Variants in MED13L observed in about 807,000 individuals in gnomAD.
The protein encoded by MED13L is mediator complex subunit 13L, also known as mediator of RNA polymerase II transcription subunit 13-like.
In MED13L, 7 loss-of-function variants were observed where a neutral mutation model predicts 220.9. The ratio of observed to expected loss-of-function variants is 0.03; its 90% CI spans 0.02 to 0.06. MED13L has a LOEUF of 0.06. Among genes scored for constraint, MED13L ranks in the 10% least tolerant of loss-of-function variants. The pLI, the probability that MED13L is intolerant of heterozygous loss-of-function variation, is 1.00. For synonymous variants in MED13L, 1,011 were observed against 1,015.2 expected (o/e 1.00, Z 0.08); for missense variants, 1,965 against 2,760.5 (o/e 0.71, Z 6.46).
chr12:115,999,772 T>A (rs1878630197), intron 14 of MED13L, among the ~76,000 whole-genome samples: 1 of 152,208 alleles, frequency 6.6e-6, no homozygotes, highest in African/African-American at 2.4e-5. Context: ...GTTAGCTGAC[T>A]TCTTTGATCT....
chr12:116,185,652 G>GCTTTGCTTTT (rs1880834540), intron 2 of MED13L, among the ~76,000 whole-genome samples: 1 of 139,916 alleles, frequency 7.1e-6, no homozygotes, highest in African/African-American at 2.7e-5. Context: ...TTCATCACAT[G>GCTTTGCTTTT]CTTTTCTTTT....
intron 2 of MED13L, among the ~76,000 whole-genome samples, chr12:116,178,711 C>A (rs1880264383): frequency 6.6e-6 from 1 of 152,152 alleles, no homozygotes; most frequent in Non-Finnish European, 1.5e-5. Context: ...AGCCTCTTGA[C>A]AAAGGACAGT....
chr12:116,210,364 C>A (rs1304651012), intron 2 of MED13L, among the ~76,000 whole-genome samples: 1 of 151,858 alleles, frequency 6.6e-6, no homozygotes, highest in East Asian at 1.9e-4. Flanking sequence ...ATCAGAAAAA[C>A]CACTAAGCAA....
intron 4 of MED13L, among the ~76,000 whole-genome samples, chr12:116,034,867 G>A (rs142786185): frequency 8.6e-4 from 131 of 152,164 alleles, no homozygotes; most frequent in African/African-American, 3.0e-3. Context: ...TTAGCCAGGC[G>A]TGGTGGCACA....
chr12:116,225,322 A>G (rs1363347313), intron 2 of MED13L, among the ~76,000 whole-genome samples: 1 of 152,174 alleles, frequency 6.6e-6, no homozygotes, highest in Non-Finnish European at 1.5e-5. Flanking sequence ...CAGGGCTCCA[A>G]CTGAGTTCTA....
intron 2 of MED13L, among the ~76,000 whole-genome samples, chr12:116,145,849 T>G (rs1877459379): frequency 6.6e-6 from 1 of 151,980 alleles, no homozygotes; most frequent in Admixed American, 6.6e-5. Context: ...ATTTTTAGTC[T>G]AAGCCTCATG....
chr12:116,218,046 C>T (rs1883105095), intron 2 of MED13L, among the ~76,000 whole-genome samples: 1 of 152,092 alleles, frequency 6.6e-6, no homozygotes, highest in African/African-American at 2.4e-5. Flanking sequence ...ATACACTTCC[C>T]CTCCTCCTCC....
At chr12:115,968,395 C>T (rs1876348232) in intron 28 of MED13L, among the ~76,000 whole-genome samples, 1 of 152,152 alleles carries the variant, frequency 6.6e-6, no homozygotes, top group African/African-American at 2.4e-5. Flanking sequence ...TTAACCTGGA[C>T]ACATCTGTAA....
At chr12:116,069,155 A>G (rs1484025603) in intron 4 of MED13L, among the ~76,000 whole-genome samples, 1 of 152,214 alleles carries the variant, frequency 6.6e-6, no homozygotes, top group African/African-American at 2.4e-5. Context: ...GATAATGCCA[A>G]AAGAATCCTG....
intron 2 of MED13L, among the ~76,000 whole-genome samples, chr12:116,210,112 G>A (rs907547484): frequency 3.9e-5 from 6 of 152,120 alleles, no homozygotes; most frequent in African/African-American, 1.4e-4. Flanking sequence ...ATAAAACATT[G>A]TGGGAAAGGG....
chr12:116,267,448 T>C (rs1164012361), intron 1 of MED13L, among the ~76,000 whole-genome samples: 1 of 152,214 alleles, frequency 6.6e-6, no homozygotes, highest in Non-Finnish European at 1.5e-5. Context: ...CGGGCTACTC[T>C]ATAACTTTAG....
chr12:116,009,947 A>T (rs2137391456), intron 9 of MED13L, among the ~76,000 whole-genome samples: 1 of 152,280 alleles, frequency 6.6e-6, no homozygotes, highest in Admixed American at 6.5e-5. Context: ...CCAATATATA[A>T]ATCATTCCCG....
chr12:116,122,590 A>AG (rs1875196228), intron 2 of MED13L, among the ~76,000 whole-genome samples: 1 of 152,216 alleles, frequency 6.6e-6, no homozygotes, highest in South Asian at 2.1e-4. Context: ...AATCATGGAT[A>AG]GAAGATACAT....
chr12:116,194,235 G>A (rs758917566), intron 2 of MED13L, among the ~76,000 whole-genome samples: 9 of 151,686 alleles, frequency 5.9e-5, no homozygotes, highest in African/African-American at 1.2e-4. Flanking sequence ...GTGCAACCTC[G>A]GCTCGTCGCA....
intron 2 of MED13L, among the ~76,000 whole-genome samples, chr12:116,149,684 C>T (rs1433058776): frequency 6.6e-6 from 1 of 152,054 alleles, no homozygotes; most frequent in Admixed American, 6.6e-5. Context: ...AATAAGTAAA[C>T]AGGGAGATTA....
At chr12:116,039,554 T>G (rs1881399543) in intron 4 of MED13L, among the ~76,000 whole-genome samples, 1 of 152,042 alleles carries the variant, frequency 6.6e-6, no homozygotes, top group African/African-American at 2.4e-5. Flanking sequence ...CTAACATAAA[T>G]CTCATAATTC....
intron 2 of MED13L, among the ~76,000 whole-genome samples, chr12:116,128,850 T>C (rs1459093192): frequency 1.3e-5 from 2 of 152,198 alleles, no homozygotes; most frequent in Non-Finnish European, 2.9e-5. Context: ...TCCATTCTAT[T>C]AGGTACAATG....
rs954095650 is a variant in MED13L at position 116,180,230 on chromosome 12, A to T, written c.310+57238T>A. On this transcript the variant is annotated intron_variant, in intron 2 of 30. Transcript: ENST00000281928. The stretch of plus-strand genomic sequence containing the variant: ...AGCTCCACAAACAACATCCAGCCCA[A>T]ATGTCAATACAGGTTGAGCATTCCA... 3.2e-4 allele frequency among the ~76,000 whole-genome samples: 48 copies of T among 152,162 alleles called. 2 individuals are homozygous for T. The highest frequency in any genetic ancestry group is 2.9e-5 in the Non-Finnish European group (2 of 68,032).
chr12:116,251,113 C>A, intron 1 of MED13L, among the ~76,000 whole-genome samples: 1 of 145,994 alleles, frequency 6.8e-6, no homozygotes, highest in African/African-American at 2.5e-5. Flanking sequence ...AAAAAATACT[C>A]AAAATAATCC....
Sources: gnomAD v4.1 joint callset for allele counts (sites outside exome capture counted in the v4.1 genomes callset) on GRCh38, gnomAD v4.1.1 for gene constraint, MANE v1.5 for transcripts, NCBI Gene and HGNC (gene_info 2026-07-23, HGNC 2026-07-21) for gene names.